Variants in EDARADD observed in about 807,000 individuals in gnomAD.
EDARADD encodes ectodysplasin-A receptor-associated adapter protein.
EDARADD carries 20 observed loss-of-function variants against 25.6 expected under a neutral mutation model. That is an observed-to-expected ratio of 0.78 (90% CI 0.55 to 1.14). The LOEUF (loss-of-function observed/expected upper bound fraction) is 1.14, where lower values mean the gene tolerates loss of function less well. EDARADD is among the 50% of genes most tolerant of loss of function. EDARADD has a pLI of 0.00. For missense variants in EDARADD, 225 were observed against 270.1 expected (o/e 0.83, Z 1.17); for synonymous variants, 86 against 94.4 (o/e 0.91, Z 0.52).
chr1:236,361,758 A>G (rs1044164716), intron 3 of EDARADD, among the ~76,000 whole-genome samples: 1 of 150,716 alleles, frequency 6.6e-6, no homozygotes, highest in Non-Finnish European at 1.5e-5. Context: ...TTATTGTTCC[A>G]TAATACTATG....
At chr1:236,480,779 T>C (rs1659650793) in intron 5 of EDARADD, among the ~76,000 whole-genome samples, 1 of 152,236 alleles carries the variant, frequency 6.6e-6, no homozygotes. Context: ...TTATTGCAAA[T>C]GACTTGTCAA....
At chr1:236,412,781 A>G (rs1402696471) in intron 2 of EDARADD, among the ~76,000 whole-genome samples, 2 of 152,216 alleles carry the variant, frequency 1.3e-5, no homozygotes, top group African/African-American at 4.8e-5. Flanking sequence ...ACTTAAAACT[A>G]TGTTACAATC....
intron 4 of EDARADD, among the ~76,000 whole-genome samples, chr1:236,452,431 C>T (rs1342958578): frequency 6.6e-6 from 1 of 152,136 alleles, no homozygotes; most frequent in African/African-American, 2.4e-5. Context: ...TGGTTATCCC[C>T]ATGCTGTTCT....
chr1:236,400,558 G>C (rs571641637), intron 1 of EDARADD, among the ~76,000 whole-genome samples: 1 of 152,052 alleles, frequency 6.6e-6, no homozygotes, highest in South Asian at 2.1e-4. Flanking sequence ...CAGGACTCCA[G>C]AAAAACTTCC....
At chr1:236,355,304 T>A (rs1403938348) in intron 3 of EDARADD, among the ~76,000 whole-genome samples, 1 of 152,144 alleles carries the variant, frequency 6.6e-6, no homozygotes, top group Admixed American at 6.5e-5. Flanking sequence ...CTTTCACTCA[T>A]TCCATCACTT....
At chr1:236,464,856 G>T (rs550146694) in intron 4 of EDARADD, among the ~76,000 whole-genome samples, 115 of 152,136 alleles carry the variant, frequency 7.6e-4, no homozygotes, top group African/African-American at 2.5e-3. Context: ...TCTCAAGGTT[G>T]TGACCTTACA....
intron 3 of EDARADD, among the ~76,000 whole-genome samples, chr1:236,363,006 A>AAAAAAATATATATATATATATAT (rs1377112051): frequency 2.3e-5 from 1 of 42,948 alleles, no homozygotes; most frequent in African/African-American, 1.1e-4. Flanking sequence ...AAAAAAAAAA[A>AAAAAAATATATATATATATATAT]ATATATATAT....
chr1:236,353,473 A>G (rs1398816571), intron 3 of EDARADD, among the ~76,000 whole-genome samples: 4 of 152,062 alleles, frequency 2.6e-5, no homozygotes, highest in African/African-American at 2.4e-5. Context: ...CGAGGTCAGG[A>G]GTTCAAGACC....
chr1:236,483,572 C>T lies in EDARADD; in HGVS notation c.*923C>T, dbSNP rs1659745268. 1.5e-6 allele frequency: 2 copies of T among 1,365,522 alleles called. No homozygotes were observed. The highest frequency in any genetic ancestry group is 1.7e-5 in the Admixed American group (1 of 59,402). The allele number at this position is 1,365,522 out of a possible 1,614,324, so 84.6% of individuals were successfully genotyped here. ...TTCCCCTGTACCACCACATCGCCGA[C>T]TTGTCTGGCAACTCCAAAGTCATCT... On this transcript the variant is annotated 3_prime_UTR_variant, in exon 6 of 6. Coordinates refer to ENST00000334232, the MANE Select transcript of EDARADD (RefSeq NM_145861.4).
chr1:236,413,870 C>A (rs1316289135), intron 2 of EDARADD, among the ~76,000 whole-genome samples: 2 of 152,182 alleles, frequency 1.3e-5, no homozygotes, highest in African/African-American at 4.8e-5. Flanking sequence ...GCCCAGAACA[C>A]ATGCTTATTG....
chr1:236,414,093 C>T (rs752712679), intron 2 of EDARADD, among the ~76,000 whole-genome samples, 167 bp from the exon 3 acceptor site: 1 of 152,156 alleles, frequency 6.6e-6, no homozygotes, highest in Non-Finnish European at 1.5e-5. Flanking sequence ...TCATTCCTGT[C>T]GACTGAGAAT....
At chr1:236,390,636 T>C (rs747433422), upstream of EDARADD, among the ~76,000 whole-genome samples, 1 of 152,208 alleles carries the variant, frequency 6.6e-6, no homozygotes, top group Non-Finnish European at 1.5e-5. Context: ...ATGTTTCTCC[T>C]GCATTTGGAT....
intron 3 of EDARADD, among the ~76,000 whole-genome samples, chr1:236,376,124 G>A (rs1395662755): frequency 3.3e-5 from 5 of 151,806 alleles, no homozygotes; most frequent in East Asian, 2.0e-4. Context: ...TAGTAGAGAC[G>A]GGGTTTCACC....
At chr1:236,356,699 C>T (rs538480960) in intron 3 of EDARADD, among the ~76,000 whole-genome samples, 12 of 151,946 alleles carry the variant, frequency 7.9e-5, no homozygotes, top group East Asian at 5.8e-4. Context: ...TCAAACAGTA[C>T]GAATAATCAT....
intron 3 of EDARADD, among the ~76,000 whole-genome samples, chr1:236,369,907 A>G (rs745475116): frequency 1.3e-5 from 2 of 152,170 alleles, no homozygotes; most frequent in Non-Finnish European, 2.9e-5. Flanking sequence ...TCATACTTCA[A>G]TTGTCCTACA....
chr1:236,352,632 G>A (rs896892172), intron 3 of EDARADD, among the ~76,000 whole-genome samples: 14 of 152,198 alleles, frequency 9.2e-5, no homozygotes, highest in Non-Finnish European at 1.8e-4. Context: ...TGGATCACTC[G>A]AGGTCAGGAG....
At chr1:236,420,186 A>G (rs1353792868) in intron 3 of EDARADD, among the ~76,000 whole-genome samples, 1 of 152,234 alleles carries the variant, frequency 6.6e-6, no homozygotes, top group Non-Finnish European at 1.5e-5. Flanking sequence ...ACTTTGTTTC[A>G]AAATAAATAA....
At chr1:236,418,244 C>T (rs538435590) in intron 3 of EDARADD, among the ~76,000 whole-genome samples, 2 of 151,128 alleles carry the variant, frequency 1.3e-5, no homozygotes, top group Admixed American at 6.6e-5. Flanking sequence ...TGAGCCACCG[C>T]GCCCGGCCTC....
At chr1:236,389,907 G>T (rs1667399898), upstream of EDARADD, among the ~76,000 whole-genome samples, 1 of 152,116 alleles carries the variant, frequency 6.6e-6, no homozygotes, top group Admixed American at 6.5e-5. Flanking sequence ...CACTCAAGAG[G>T]CTGAGGTGGA....
Sources: gnomAD v4.1 joint callset for allele counts (sites outside exome capture counted in the v4.1 genomes callset) on GRCh38, gnomAD v4.1.1 for gene constraint, MANE v1.5 for transcripts, NCBI Gene and HGNC (gene_info 2026-07-23, HGNC 2026-07-21) for gene names.